TTC7B: variants seen among roughly 807,000 people sequenced by gnomAD.
TTC7B encodes the protein tetratricopeptide repeat domain 7B.
A neutral mutation model predicts 106.8 loss-of-function variants in TTC7B; 28 were observed. The observed-to-expected ratio is 0.26, with a 90% CI of 0.19 to 0.36. The LOEUF (loss-of-function observed/expected upper bound fraction) is 0.36, where lower values mean the gene tolerates loss of function less well. Among genes scored for constraint, TTC7B ranks in the 10% least tolerant of loss-of-function variants. TTC7B has a pLI of 1.00. For synonymous variants in TTC7B, 405 were observed against 430.6 expected, an observed-to-expected ratio of 0.94 and a Z score of 0.74; for missense variants, 862 against 1,076.4, an observed-to-expected ratio of 0.80 and a Z score of 2.79.
intron 1 of TTC7B, among the ~76,000 whole-genome samples, chr14:90,801,779 G>A (rs1355320524): frequency 6.6e-6 from 1 of 152,176 alleles, no homozygotes; most frequent in Non-Finnish European, 1.5e-5. Flanking sequence ...TGGAGCGCCG[G>A]GCACGGTGGC....
intron 3 of TTC7B, among the ~76,000 whole-genome samples, chr14:90,748,548 A>G (rs1358448371): frequency 6.6e-6 from 1 of 151,994 alleles, no homozygotes; most frequent in African/African-American, 2.4e-5. Context: ...TCTGGTCTCG[A>G]ACTCCTGACC....
chr14:90,730,330 G>A (rs972960417), intron 4 of TTC7B, 134 bp from the exon 5 acceptor site: 1 of 1,028,504 alleles, frequency 9.7e-7, no homozygotes, highest in Non-Finnish European at 1.3e-6. Context: ...AGGCACAGGT[G>A]TAGAAGTGCA....
At chr14:90,622,042 C>T (rs1383506145) in intron 15 of TTC7B, among the ~76,000 whole-genome samples, 3 of 151,752 alleles carry the variant, frequency 2.0e-5, no homozygotes, top group African/African-American at 7.3e-5. Flanking sequence ...ATATGTCTAA[C>T]TGTCAACACG....
intron 1 of TTC7B, among the ~76,000 whole-genome samples, chr14:90,795,099 T>C (rs907393789): frequency 1.3e-5 from 2 of 152,218 alleles, no homozygotes; most frequent in Middle Eastern, 3.4e-3. Context: ...AGAAAATTAA[T>C]TCCAGATAGA....
chr14:90,621,743 AT>A (rs1437619307), intron 15 of TTC7B, among the ~76,000 whole-genome samples: 1 of 152,200 alleles, frequency 6.6e-6, no homozygotes, highest in East Asian at 1.9e-4. Flanking sequence ...CCTTTCCATC[AT>A]TTCCTCAAAC....
chr14:90,740,914 A>G (rs1566865242), intron 4 of TTC7B, among the ~76,000 whole-genome samples: 1 of 152,192 alleles, frequency 6.6e-6, no homozygotes, highest in African/African-American at 2.4e-5. Flanking sequence ...ACAGGAACAG[A>G]TAAGGGCAAG....
At chr14:90,698,940 T>G (rs1172045268) in intron 5 of TTC7B, 3 of 332,872 alleles carry the variant, frequency 9.0e-6, no homozygotes, top group African/African-American at 6.6e-5. Flanking sequence ...TACTCTTCCC[T>G]TGACCTACTT....
intron 6 of TTC7B, among the ~76,000 whole-genome samples, chr14:90,695,092 A>AATAG (rs1887674772): frequency 8.3e-6 from 1 of 120,588 alleles, no homozygotes; most frequent in East Asian, 2.3e-4. Flanking sequence ...TTTATTATAA[A>AATAG]ATATATTTTA....
chr14:90,568,083 G>C (rs1890874296), intron 19 of TTC7B, among the ~76,000 whole-genome samples: 1 of 152,194 alleles, frequency 6.6e-6, no homozygotes, highest in African/African-American at 2.4e-5. Flanking sequence ...GAAGCAGCAG[G>C]CCCAGTTGGC....
At chr14:90,633,886 G>A (rs1239369038) in intron 15 of TTC7B, among the ~76,000 whole-genome samples, 2 of 148,916 alleles carry the variant, frequency 1.3e-5, no homozygotes, top group Non-Finnish European at 3.0e-5. Context: ...TTTTTTTTTC[G>A]GGAGTGGGGA....
chr14:90,563,995 A>G (rs188916459), intron 19 of TTC7B, among the ~76,000 whole-genome samples: 1 of 152,174 alleles, frequency 6.6e-6, no homozygotes, highest in East Asian at 1.9e-4. Flanking sequence ...CATGAGGGTC[A>G]GAATCAATTT....
rs551580519 is a variant in TTC7B at position 90,596,295 on chromosome 14, T to C, written c.1967-2669A>G. Among the ~76,000 whole-genome samples the C allele has an allele frequency of 2.0e-3, 312 of 152,376 alleles. 2 individuals are homozygous for C. Among genetic ancestry groups the C allele is most frequent in the African/African-American group, 7.0e-3 (292 of 41,590 alleles). ...GGCTAATTTTGGTTTTTGGATTAAC[T>C]GTTTTGTTTGGTCCACAAATAAATA... On this transcript the variant is annotated intron_variant, in intron 17 of 19. Coordinates refer to ENST00000328459, the MANE Select transcript of TTC7B (RefSeq NM_001010854.2).
Position 90,578,330 on chromosome 14 carries a change from A to G in TTC7B, c.2108-22T>C, listed in dbSNP as rs1891348247. On this transcript the variant is annotated intron_variant, in intron 18 of 19. Transcript: ENST00000328459. This position sits in a 1 kb window ranked among gnomAD's most constrained non-coding sequence, Gnocchi z 4.7. ...TCAGCTGTGAGGAGACAGCAACGGC[A>G]CATGCTTTCCTGGTGCCCCTCTGAG... The G allele has an allele frequency of 3.1e-6, 5 of 1,609,882 alleles. No homozygotes were observed. The highest frequency in any genetic ancestry group is 2.5e-6 in the Non-Finnish European group (3 of 1,178,244).
chr14:90,801,066 A>AC (rs1233002004), intron 1 of TTC7B, among the ~76,000 whole-genome samples: 1 of 120,962 alleles, frequency 8.3e-6, no homozygotes, highest in Non-Finnish European at 1.8e-5. Context: ...CTCTATACAA[A>AC]TTTTTAAAAT....
At chr14:90,638,909 C>T (rs1383401767) in intron 15 of TTC7B, among the ~76,000 whole-genome samples, 1 of 152,192 alleles carries the variant, frequency 6.6e-6, no homozygotes. Context: ...GAAACAACTG[C>T]GGACATTTGG....
chr14:90,603,065 T>C (rs1892494808), intron 17 of TTC7B, among the ~76,000 whole-genome samples: 1 of 152,164 alleles, frequency 6.6e-6, no homozygotes, highest in African/African-American at 2.4e-5. Flanking sequence ...AAACCCAAGC[T>C]GCGCTGAATG....
chr14:90,801,139 C>T (rs138290435), intron 1 of TTC7B, among the ~76,000 whole-genome samples: 14 of 148,902 alleles, frequency 9.4e-5, no homozygotes, highest in African/African-American at 3.2e-4. Context: ...GCAAGAGGAT[C>T]GCTTGAGCCC....
chr14:90,660,345 G>A (rs1367039539), intron 9 of TTC7B, among the ~76,000 whole-genome samples: 23 of 128,430 alleles, frequency 1.8e-4, no homozygotes, highest in East Asian at 4.7e-4. Context: ...AGCTGTGATC[G>A]TCGTACCACT....
intron 6 of TTC7B, 67 bp downstream of exon 6, chr14:90,695,433 A>G: frequency 1.2e-6 from 1 of 853,026 alleles, no homozygotes; most frequent in Non-Finnish European, 1.7e-6. Flanking sequence ...ATGTAAAAAA[A>G]TATGAATGTA....
Sources: allele counts gnomAD v4.1 joint callset (sites outside exome capture counted in the v4.1 genomes callset), GRCh38; gene constraint gnomAD v4.1.1; non-coding constraint Gnocchi (gnomAD v3.1); transcripts MANE v1.5; gene names NCBI Gene and HGNC (gene_info 2026-07-23, HGNC 2026-07-21).